The following DUOXA1 variants were observed in gnomAD, a reference collection of about 807,000 sequenced individuals.
DUOXA1 encodes dual oxidase activator 1.
Under a neutral mutation model 26.6 loss-of-function variants are expected in DUOXA1, and 19 were observed. The ratio of observed to expected loss-of-function variants is 0.71; its 90% confidence interval spans 0.50 to 1.05. The LOEUF is 1.05. Among genes scored for constraint, DUOXA1 ranks in the 50% least tolerant of loss-of-function variants. DUOXA1 has a pLI of 0.00. For synonymous variants in DUOXA1, 166 were observed against 177.0 expected, an observed-to-expected ratio of 0.94 and a Z score of 0.49; for missense variants, 403 against 427.5, an observed-to-expected ratio of 0.94 and a Z score of 0.51.
At position 45,118,667 on chromosome 15, in the gene DUOXA1, T is replaced by C. The variant is rs772420312; in HGVS notation, c.*439A>G. Reference sequence around the variant, plus strand: ...CAAAAGGCCACACAAGCTGGAGAAGTAAAGGAAGAACAAAAGGAACCCAGG... The same window carrying C: ...CAAAAGGCCACACAAGCTGGAGAAGCAAAGGAAGAACAAAAGGAACCCAGG... On this transcript the variant is annotated 3_prime_UTR_variant, in exon 9 of 9. Coordinates refer to ENST00000560572, the MANE Select transcript of DUOXA1 (RefSeq NM_001276266.2). 1.0e-6 allele frequency: 1 copy of C among 991,830 alleles called. No individual in the cohort carries two copies. Among genetic ancestry groups the C allele is most frequent in the Non-Finnish European group, 1.2e-6 (1 of 834,896 alleles). 61.4% of individuals were successfully genotyped at this position (991,830 alleles called of 1,614,324 possible).
intron 4 of DUOXA1, 53 bp downstream of exon 4, chr15:45,122,815 A>G: frequency 6.5e-7 from 1 of 1,544,504 alleles, no homozygotes. Context: ...TGAACCCCTC[A>G]GCCTGAGGCT....
chr15:45,129,534 G>C lies in DUOXA1; in HGVS notation c.-221C>G, dbSNP rs1325736333. 6.5e-6 allele frequency: 1 copy of C among 152,956 alleles called. No homozygotes were observed. The highest frequency in any genetic ancestry group is 1.5e-5 in the Non-Finnish European group (1 of 68,334). 9.5% of individuals were successfully genotyped at this position (152,956 alleles called of 1,614,324 possible). ...CGGTGGGACCCCCAAGACCTCACGA[G>C]GATCCCCGGAGGGAGACGTGACTCC... On this transcript the variant is annotated 5_prime_UTR_variant, in exon 2 of 9. Transcript: ENST00000560572. This position sits in a 1 kb window ranked among gnomAD's most constrained non-coding sequence, Gnocchi z 4.1.
rs182097111 is a variant in DUOXA1 at position 45,123,033 on chromosome 15, G to T, written c.-19C>A. Reference sequence around the variant, plus strand: ...TAGCCATCTTGGTGAGGTGGTGCAGGGGGGGCAATGCTGTACAACAACAAT... The same window carrying T: ...TAGCCATCTTGGTGAGGTGGTGCAGTGGGGGCAATGCTGTACAACAACAAT... On this transcript the variant is annotated 5_prime_UTR_variant, in exon 4 of 9. Coordinates refer to ENST00000560572, the MANE Select transcript of DUOXA1 (RefSeq NM_001276266.2). 663 of 1,601,332 alleles carry T rather than the reference G, an allele frequency of 4.1e-4. No individual in the cohort carries two copies. In the African/African-American group the frequency reaches 5.3e-3, roughly 13 times the overall value.
rs1205979534 is a variant in DUOXA1 at position 45,117,656 on chromosome 15, C to A, written c.*1450G>T. 6.2e-7 allele frequency: 1 copy of A among 1,613,798 alleles called. No individual in the cohort carries two copies. The highest frequency in any genetic ancestry group is 8.5e-7 in the Non-Finnish European group (1 of 1,179,900). ...GTTTGAGGCCAGAGTTCGAGACCAG[C>A]CTGGGCAACATAGCCCTGACTCCAC... On this transcript the variant is annotated 3_prime_UTR_variant, in exon 9 of 9. Transcript: ENST00000560572.
chr15:45,125,178 T>G (rs1406384091), intron 3 of DUOXA1, among the ~76,000 whole-genome samples: 1 of 152,188 alleles, frequency 6.6e-6, no homozygotes, highest in Non-Finnish European at 1.5e-5. Context: ...TTTTTGCTTT[T>G]TCTTAACTAC....
rs16977681 is a variant in DUOXA1, at chr15:45,118,635, A to G, written c.*471T>C. 0.019 allele frequency: 18,362 copies of G among 990,930 alleles called. 515 individuals are homozygous for G. The highest frequency in any genetic ancestry group is 0.12 in the African/African-American group (6,819 of 57,466). The allele number at this position is 990,930 out of a possible 1,614,324, so 61.4% of individuals were successfully genotyped here. A position where few individuals can be genotyped will look rare whatever the true frequency, so the allele number is the denominator to read the frequency against. ...CCCCTCCTTTCCAGTGCTGTCTTTC[A>G]TTGTACCAAAAGGCCACACAAGCTG... is the stretch of plus-strand genomic sequence containing the variant. On this transcript the variant is annotated 3_prime_UTR_variant, in exon 9 of 9. Coordinates refer to ENST00000560572, the MANE Select transcript of DUOXA1 (RefSeq NM_001276266.2).
chr15:45,125,166 C>T (rs1163720462), intron 3 of DUOXA1, among the ~76,000 whole-genome samples: 1 of 152,140 alleles, frequency 6.6e-6, no homozygotes, highest in Non-Finnish European at 1.5e-5. Context: ...TTAACATGAA[C>T]TTTTTTGCTT....
chr15:45,120,917 G>T, intron 6 of DUOXA1, 112 bp from the exon 7 acceptor site: 1 of 1,491,300 alleles, frequency 6.7e-7, no homozygotes. Flanking sequence ...ACTGAGAGAA[G>T]GTAGCTTCCA....
At position 45,117,446 on chromosome 15, in the gene DUOXA1, T is replaced by C; in HGVS notation, c.*1660A>G. On this transcript the variant is annotated 3_prime_UTR_variant, in exon 9 of 9. Transcript: ENST00000560572. ...AATAGTTCGCAGAAACAGGCACTGT[T>C]ATGACCATTTTACAGATGAAAAGTG... 6.5e-7 allele frequency: 1 copy of C among 1,541,176 alleles called. No homozygotes were observed. The highest frequency in any genetic ancestry group is 1.2e-5 in the South Asian group (1 of 82,096).
chr15:45,127,325 T>C (rs866800832), intron 3 of DUOXA1, among the ~76,000 whole-genome samples: 5 of 152,202 alleles, frequency 3.3e-5, no homozygotes, highest in South Asian at 2.1e-4. Context: ...AGGGAGGTTA[T>C]AAAAAAATTT....
rs13380419 is a variant in DUOXA1, at chr15:45,121,028, C to T, written c.340+59G>A. ...CCTATAGCTCTTTGACCACACCAAACATAGATCCCAAAGATGGCAGAGCCT... is the reference window on the plus strand; with the variant it reads ...CCTATAGCTCTTTGACCACACCAAATATAGATCCCAAAGATGGCAGAGCCT... On this transcript the variant is annotated intron_variant, in intron 6 of 8. Transcript: ENST00000560572. The T allele has an allele frequency of 0.011, 17,155 of 1,609,016 alleles. 1,501 individuals are homozygous for T. In the African/African-American group the frequency reaches 0.19, roughly 18 times the overall value.
At chr15:45,120,867 G>A in intron 6 of DUOXA1, 62 bp from the exon 7 acceptor site, 2 of 1,570,920 alleles carry the variant, frequency 1.3e-6, no homozygotes, top group Non-Finnish European at 1.7e-6. Context: ...CCTAGGTAGG[G>A]ACTCACCCAC....
rs1412498121 is a variant in DUOXA1, at chr15:45,117,756, C to T, written c.*1350G>A. 6.2e-7 allele frequency: 1 copy of T among 1,613,576 alleles called. No individual in the cohort carries two copies. The highest frequency in any genetic ancestry group is 2.2e-5 in the East Asian group (1 of 44,880). On this transcript the variant is annotated 3_prime_UTR_variant, in exon 9 of 9. Transcript: ENST00000560572. ...TCCTCGGAGGGGCCGTGGTGAGTCT[C>T]CAGTATGTTCGGCCCAGCGCTCTTC...
intron 3 of DUOXA1, among the ~76,000 whole-genome samples, chr15:45,124,846 G>T (rs1253663976): frequency 1.3e-5 from 2 of 152,106 alleles, no homozygotes; most frequent in African/African-American, 4.8e-5. Context: ...CCCTGAGCTG[G>T]AATCCATTCT....
Position 45,120,674 on chromosome 15 carries a change from CT to C in DUOXA1, c.471del (p.Ala158LeufsTer39). The C allele has an allele frequency of 1.9e-6, 3 of 1,614,106 alleles. No individual in the cohort carries two copies. The highest frequency in any genetic ancestry group is 2.5e-6 in the Non-Finnish European group (3 of 1,180,004). The stretch of plus-strand genomic sequence containing the variant: ...GGGCTTCTTGGAGTGAACTTCTCAG[CT>C]AGGTACAACACAGGGTCTGGCAGCC... Reference protein sequence around the residue: ...EKGLPDPVLYLAEKFTPRSPC... With the variant: ...EKGLPDPVLYXAEKFTPRSPC... On this transcript the variant is annotated frameshift_variant, in exon 7 of 9. Coordinates refer to ENST00000560572, the MANE Select transcript of DUOXA1 (RefSeq NM_001276266.2). LOFTEE classifies it high-confidence loss of function.
chr15:45,118,324 C>T lies in DUOXA1; in HGVS notation c.*782G>A. On this transcript the variant is annotated 3_prime_UTR_variant, in exon 9 of 9. Transcript: ENST00000560572. Reference sequence around the variant, plus strand: ...ACCACCCCAGGGGGACGTTAGGTGGCAGTGATGAGGCAGGTCACCCACTCC... The same window carrying T: ...ACCACCCCAGGGGGACGTTAGGTGGTAGTGATGAGGCAGGTCACCCACTCC... 2 of 1,218,260 alleles carry T rather than the reference C, an allele frequency of 1.6e-6. No homozygotes were observed. The highest frequency in any genetic ancestry group is 2.0e-6 in the Non-Finnish European group (2 of 976,476). 75.5% of individuals were successfully genotyped at this position (1,218,260 alleles called of 1,614,324 possible). A position where few individuals can be genotyped will look rare whatever the true frequency, so the allele number is the denominator to read the frequency against.
At position 45,117,882 on chromosome 15, in the gene DUOXA1, C is replaced by T; in HGVS notation, c.*1224G>A. On this transcript the variant is annotated 3_prime_UTR_variant, in exon 9 of 9. Coordinates refer to ENST00000560572, the MANE Select transcript of DUOXA1 (RefSeq NM_001276266.2). ...TGCACAAGCAGGCCGCTCTCCCAGA[C>T]TTAAAATGTATCACCACTAACCTGT... The T allele has an allele frequency of 6.2e-7, 1 of 1,613,544 alleles. No homozygotes were observed.
At chr15:45,122,291 T>A (rs1895291607) in intron 4 of DUOXA1, 49 bp from the exon 5 acceptor site, 2 of 1,549,398 alleles carry the variant, frequency 1.3e-6, no homozygotes, top group East Asian at 2.3e-5. Context: ...TCCTTCCACA[T>A]CTACCCTTCC....
chr15:45,121,319 G>T (rs998434180), intron 5 of DUOXA1, 98 bp from the exon 6 acceptor site: 1 of 1,555,892 alleles, frequency 6.4e-7, no homozygotes, highest in Admixed American at 1.8e-5. Context: ...TGTCTGTTTT[G>T]GTCATAACTG....
Sources: gnomAD v4.1 joint callset for allele counts (sites outside exome capture counted in the v4.1 genomes callset) on GRCh38, gnomAD v4.1.1 for gene constraint, Gnocchi (gnomAD v3.1) non-coding constraint, MANE v1.5 for transcripts, NCBI Gene and HGNC (gene_info 2026-07-23, HGNC 2026-07-21) for gene names.